LARGE1: variants seen among roughly 807,000 people sequenced by gnomAD.
LARGE1 encodes xylosyl- and glucuronyltransferase LARGE1.
LARGE1 carries 43 observed loss-of-function variants against 87.6 expected under a neutral mutation model. The observed-to-expected ratio is 0.49, with a 90% CI of 0.38 to 0.63. The LOEUF (loss-of-function observed/expected upper bound fraction) is 0.63, where lower values mean the gene tolerates loss of function less well. Ranked by LOEUF, LARGE1 falls within the 30% of genes least tolerant of loss-of-function variation. LARGE1 has a pLI of 0.00. For synonymous variants in LARGE1, 434 were observed against 394.6 expected (o/e 1.10, Z -1.18); for missense variants, 802 against 1,000.2 (o/e 0.80, Z 2.67).
intron 6 of LARGE1, among the ~76,000 whole-genome samples, chr22:33,448,569 C>A (rs1475425541): frequency 3.3e-5 from 5 of 152,134 alleles, no homozygotes; most frequent in African/African-American, 1.2e-4. Context: ...TCTTGCTTGT[C>A]CCCTCTGGGC....
At chr22:33,124,922 C>T in the LARGE1 span, among the ~76,000 whole-genome samples, 30 of 152,244 alleles carry the variant, frequency 2.0e-4, no homozygotes, top group African/African-American at 7.0e-4. Flanking sequence ...TCTGTGACTG[C>T]TCCTTGTGGA....
chr22:33,899,724 G>A (rs965708942), intron 1 of LARGE1, among the ~76,000 whole-genome samples: 4 of 152,200 alleles, frequency 2.6e-5, no homozygotes, highest in African/African-American at 9.7e-5. Flanking sequence ...GAATGAATCT[G>A]AGCAAAGCAA....
chr22:33,572,120 T>A, intron 5 of LARGE1: 1 of 896,644 alleles, frequency 1.1e-6, no homozygotes, highest in Non-Finnish European at 1.6e-6. Flanking sequence ...CTGGAAATAT[T>A]TTTTGCTCAA....
At chr22:33,107,157 C>T in the LARGE1 span, among the ~76,000 whole-genome samples, 4 of 152,358 alleles carry the variant, frequency 2.6e-5, no homozygotes, top group East Asian at 5.8e-4. Context: ...AGATTCACCA[C>T]AGTCAGCACT....
chr22:33,888,040 G>A (rs1601855095), intron 1 of LARGE1, among the ~76,000 whole-genome samples: 1 of 152,214 alleles, frequency 6.6e-6, no homozygotes. Flanking sequence ...TCATTCCATC[G>A]TTCCTTCCCA....
At chr22:33,399,795 G>T (rs966442111) in intron 7 of LARGE1, among the ~76,000 whole-genome samples, 42 of 152,104 alleles carry the variant, frequency 2.8e-4, no homozygotes, top group Non-Finnish European at 5.1e-4. Flanking sequence ...TGATCTGCCC[G>T]CCTCGGCCTC....
intron 1 of LARGE1, among the ~76,000 whole-genome samples, chr22:33,837,245 G>C (rs1371267022): frequency 8.3e-6 from 1 of 120,682 alleles, no homozygotes; most frequent in Non-Finnish European, 1.7e-5. Flanking sequence ...ATGGAGTAGA[G>C]AGTATTACAT....
chr22:33,511,353 T>C (rs1213588153), intron 6 of LARGE1, among the ~76,000 whole-genome samples: 1 of 152,354 alleles, frequency 6.6e-6, no homozygotes, highest in East Asian at 1.9e-4. Flanking sequence ...TAGTCTCTGA[T>C]ACAGACAACA....
chr22:33,202,105 T>TAA (rs137449), intron 11 of LARGE1, among the ~76,000 whole-genome samples: 6,849 of 143,802 alleles, frequency 0.048, 177 homozygotes, highest in Admixed American at 0.065. Context: ...CACGGCATGA[T>TAA]AAAAAAAAAA....
At chr22:33,690,640 G>C (rs1459272764) in intron 2 of LARGE1, among the ~76,000 whole-genome samples, 1 of 147,782 alleles carries the variant, frequency 6.8e-6, no homozygotes, top group Non-Finnish European at 1.5e-5. Flanking sequence ...AGGGCAGACA[G>C]AGTGAGAAGG....
intron 2 of LARGE1, among the ~76,000 whole-genome samples, chr22:33,707,190 C>A (rs1452858445): frequency 1.3e-5 from 2 of 152,182 alleles, no homozygotes; most frequent in East Asian, 3.9e-4. Flanking sequence ...TGCTGGCTTC[C>A]CTCTCTCACT....
At chr22:33,276,273 G>C (rs1929273626) in intron 14 of LARGE1, among the ~76,000 whole-genome samples, 1 of 151,088 alleles carries the variant, frequency 6.6e-6, no homozygotes, top group Admixed American at 6.6e-5. Context: ...AATTTAACCA[G>C]AGCAGTTTTG....
At chr22:33,199,843 C>CTTTTTTT (rs3071494) in intron 11 of LARGE1, among the ~76,000 whole-genome samples, 1 of 146,698 alleles carries the variant, frequency 6.8e-6, no homozygotes, top group Non-Finnish European at 1.5e-5. Flanking sequence ...CGTGCAGACA[C>CTTTTTTT]TTTTTTTTTT....
At chr22:33,555,191 G>A (rs930960857) in intron 6 of LARGE1, among the ~76,000 whole-genome samples, 3 of 152,184 alleles carry the variant, frequency 2.0e-5, no homozygotes, top group African/African-American at 4.8e-5. Context: ...ACAGGAGGAT[G>A]TCCACAGATG....
At chr22:33,574,846 T>C (rs553210993) in intron 5 of LARGE1, among the ~76,000 whole-genome samples, 39 of 152,028 alleles carry the variant, frequency 2.6e-4, no homozygotes, top group African/African-American at 9.2e-4. Context: ...ACCAGGACCA[T>C]ATGCCATACA....
intron 11 of LARGE1, among the ~76,000 whole-genome samples, chr22:33,190,922 G>A (rs906192687): frequency 1.3e-5 from 2 of 151,998 alleles, no homozygotes; most frequent in African/African-American, 2.4e-5. Flanking sequence ...TCCCATATTC[G>A]GTAAAACTCT....
intron 6 of LARGE1, among the ~76,000 whole-genome samples, chr22:33,466,969 G>C (rs2068644121): frequency 1.3e-5 from 2 of 152,208 alleles, no homozygotes; most frequent in African/African-American, 4.8e-5. Flanking sequence ...TTGAATCTGG[G>C]AGGTGGAGGT....
chr22:33,074,284 A>G, the LARGE1 span, among the ~76,000 whole-genome samples: 1 of 152,154 alleles, frequency 6.6e-6, no homozygotes, highest in Non-Finnish European at 1.5e-5. Flanking sequence ...GTGAGTTGCA[A>G]TAAAGTACCT....
At chr22:33,237,048 G>A (rs1926287728) in intron 11 of LARGE1, among the ~76,000 whole-genome samples, 1 of 152,180 alleles carries the variant, frequency 6.6e-6, no homozygotes, top group Non-Finnish European at 1.5e-5. Flanking sequence ...GGACCATAAT[G>A]GTGTTTTAGT....
Sources: gnomAD v4.1 joint callset for allele counts (sites outside exome capture counted in the v4.1 genomes callset) on GRCh38, gnomAD v4.1.1 for gene constraint, MANE v1.5 for transcripts, NCBI Gene and HGNC (gene_info 2026-07-23, HGNC 2026-07-21) for gene names.